The following DHX15 variants were observed in gnomAD, a reference collection of about 807,000 sequenced individuals.
DHX15 encodes the protein DEAH-box helicase 15, also known as ATP-dependent RNA helicase DHX15.
In DHX15, 11 loss-of-function variants were observed where a neutral mutation model predicts 94.4. That is an observed-to-expected ratio of 0.12 (90% CI 0.07 to 0.19). DHX15 has a LOEUF of 0.19. DHX15 is among the 10% of genes least tolerant of loss of function. The pLI, the probability that DHX15 is intolerant of heterozygous loss-of-function variation, is 1.00. For missense variants in DHX15, 304 were observed against 988.5 expected, an observed-to-expected ratio of 0.31 and a Z score of 9.29; for synonymous variants, 338 against 329.9, an observed-to-expected ratio of 1.02 and a Z score of -0.27.
In DHX15 at chr4:24,576,694, TA is replaced by T; in HGVS notation, c.72-17del. The T allele has an allele frequency of 1.2e-6, 2 of 1,607,190 alleles. No homozygotes were observed. The highest frequency in any genetic ancestry group is 1.7e-6 in the Non-Finnish European group (2 of 1,175,102). On this transcript the variant is annotated splice_polypyrimidine_tract_variant and intron_variant, in intron 1 of 13. Coordinates refer to ENST00000336812, the MANE Select transcript of DHX15 (RefSeq NM_001358.3). ...TCGATCCTTCCTAAAAACAAAAATT[TA>T]GAATTCAGATTCTGAATTTTATGCA...
chr4:24,547,933 A>C (rs1187306938), intron 6 of DHX15, among the ~76,000 whole-genome samples: 644 of 33,618 alleles, frequency 0.019, 22 homozygotes, highest in African/African-American at 0.063. Context: ...ATATATATAT[A>C]TATATATATC....
intron 2 of DHX15, among the ~76,000 whole-genome samples, chr4:24,575,780 C>T (rs550514409): frequency 2.0e-5 from 3 of 152,276 alleles, no homozygotes; most frequent in South Asian, 4.2e-4. Context: ...ACAAATAACA[C>T]ACTAGTAACA....
At position 24,527,842 on chromosome 4, in the gene DHX15, C is replaced by A; in HGVS notation, c.*82G>T. The A allele has an allele frequency of 1.1e-6, 1 of 942,282 alleles. No individual in the cohort carries two copies. The highest frequency in any genetic ancestry group is 1.7e-6 in the Non-Finnish European group (1 of 587,740). 58.4% of individuals were successfully genotyped at this position (942,282 alleles called of 1,614,324 possible). Reference sequence around the variant, plus strand: ...CAAATAAAGGCCATTATCGAACCAACGTGAAGAGCACAACTCGAACTTTTG... The same window carrying A: ...CAAATAAAGGCCATTATCGAACCAAAGTGAAGAGCACAACTCGAACTTTTG... On this transcript the variant is annotated 3_prime_UTR_variant, in exon 14 of 14. Transcript: ENST00000336812.
intron 11 of DHX15, 142 bp downstream of exon 11, chr4:24,536,909 G>A (rs1354299725): frequency 4.3e-6 from 4 of 926,218 alleles, no homozygotes; most frequent in Non-Finnish European, 4.5e-6. Context: ...TATTTTAAAT[G>A]CTCGTCAGGA....
chr4:24,540,253 A>G lies in DHX15; in HGVS notation c.1641T>C (p.Ala547=). The change falls in exon 10 of 14, where the codon GCT becomes GCC. Residue 547 remains alanine (A), a synonymous_variant. Transcript: ENST00000336812. ...MRALELLNYL[A]ALNDDGDLTE... ...TCAGATCTCCATCATCATTTAAAGC[A>G]GCCAGGTAATTCAAAAGTTCCAGGG... 2 of 1,613,506 alleles carry G rather than the reference A, an allele frequency of 1.2e-6. No homozygotes were observed. The highest frequency in any genetic ancestry group is 1.7e-6 in the Non-Finnish European group (2 of 1,179,572).
At chr4:24,533,709 C>T (rs534525088) in intron 11 of DHX15, 3 of 152,718 alleles carry the variant, frequency 2.0e-5, no homozygotes, top group Non-Finnish European at 2.9e-5. Context: ...TCCAACTAGC[C>T]TAGTGTTGCT....
At chr4:24,563,854 A>G (rs2109005394) in intron 3 of DHX15, among the ~76,000 whole-genome samples, 1 of 152,238 alleles carries the variant, frequency 6.6e-6, no homozygotes, top group Middle Eastern at 3.4e-3. Context: ...TCACGAGGTC[A>G]GGAGATCAAG....
At chr4:24,543,066 A>G (rs1038427133) in intron 6 of DHX15, 40 bp from the exon 7 acceptor site, 1 of 1,432,582 alleles carries the variant, frequency 7.0e-7, no homozygotes, top group African/African-American at 1.4e-5. Flanking sequence ...TTACATATCA[A>G]ATAAAATTAA....
intron 3 of DHX15, among the ~76,000 whole-genome samples, chr4:24,558,274 A>G (rs1314085212): frequency 6.6e-6 from 1 of 152,162 alleles, no homozygotes; most frequent in Non-Finnish European, 1.5e-5. Context: ...GTAGATTGTG[A>G]GACACATTGT....
chr4:24,580,012 C>G (rs552040838), intron 1 of DHX15, among the ~76,000 whole-genome samples: 1 of 152,318 alleles, frequency 6.6e-6, no homozygotes, highest in East Asian at 1.9e-4. Flanking sequence ...GATCTGACTG[C>G]CTCGGCCTCC....
At chr4:24,570,459 C>G (rs1285130876) in intron 3 of DHX15, among the ~76,000 whole-genome samples, 195 bp downstream of exon 3, 1 of 152,084 alleles carries the variant, frequency 6.6e-6, no homozygotes, top group Admixed American at 6.6e-5. Context: ...GACCTTTGAA[C>G]TTCAATTTCT....
At chr4:24,559,966 TA>T (rs1721830455) in intron 3 of DHX15, among the ~76,000 whole-genome samples, 1 of 152,146 alleles carries the variant, frequency 6.6e-6, no homozygotes, top group Non-Finnish European at 1.5e-5. Flanking sequence ...ATCCTTGGAG[TA>T]AGTAACAGTT....
rs1720990024 is a variant in DHX15 at position 24,527,674 on chromosome 4, TATAG to T, written c.*246_*249del. 5.0e-6 allele frequency: 2 copies of T among 400,778 alleles called. No homozygotes were observed. The highest frequency in any genetic ancestry group is 7.7e-5 in the Admixed American group (2 of 26,096). 24.8% of individuals were successfully genotyped at this position (400,778 alleles called of 1,614,324 possible). On this transcript the variant is annotated 3_prime_UTR_variant, in exon 14 of 14. Transcript: ENST00000336812. Reference sequence around the variant, plus strand: ...AAGAAATGCTTATAACATTGTTATATATAGAACTACTTTCAATAAACTGCAAAAC... The same window carrying T: ...AAGAAATGCTTATAACATTGTTATATAACTACTTTCAATAAACTGCAAAAC...
At chr4:24,574,286 C>T (rs531445990) in intron 2 of DHX15, among the ~76,000 whole-genome samples, 113 of 148,466 alleles carry the variant, frequency 7.6e-4, no homozygotes, top group Non-Finnish European at 6.8e-4. Flanking sequence ...AACAAATCAC[C>T]AAAAAAAGAC....
At chr4:24,551,414 C>T (rs931833052) in intron 5 of DHX15, among the ~76,000 whole-genome samples, 3 of 151,880 alleles carry the variant, frequency 2.0e-5, no homozygotes, top group South Asian at 2.1e-4. Flanking sequence ...AAAAACACAA[C>T]GTTCTTAAAC....
chr4:24,579,284 C>T (rs1432666577), intron 1 of DHX15, among the ~76,000 whole-genome samples: 1 of 152,176 alleles, frequency 6.6e-6, no homozygotes, highest in Admixed American at 6.5e-5. Flanking sequence ...GGAAATGTTG[C>T]TTATGGCTCA....
intron 11 of DHX15, among the ~76,000 whole-genome samples, chr4:24,534,467 T>C (rs1721153055): frequency 6.6e-6 from 1 of 152,234 alleles, no homozygotes; most frequent in South Asian, 2.1e-4. Flanking sequence ...TAACATCTGA[T>C]GGTTCTACTG....
chr4:24,553,128 G>A (rs1373194503), intron 5 of DHX15, among the ~76,000 whole-genome samples: 8 of 152,028 alleles, frequency 5.3e-5, no homozygotes, highest in Admixed American at 5.2e-4. Flanking sequence ...TTCAAGACCA[G>A]CCTGACCAAC....
chr4:24,530,903 T>G (rs991199088), intron 12 of DHX15: 1 of 152,158 alleles, frequency 6.6e-6, no homozygotes, highest in Non-Finnish European at 1.5e-5. Flanking sequence ...TTCTAATAAA[T>G]TTTTTGTTTG....
Sources: allele counts gnomAD v4.1 joint callset (sites outside exome capture counted in the v4.1 genomes callset), GRCh38; gene constraint gnomAD v4.1.1; transcripts MANE v1.5; gene names NCBI Gene and HGNC (gene_info 2026-07-23, HGNC 2026-07-21).